Variants in CSMD1 observed in about 807,000 individuals in gnomAD.
CSMD1 encodes the protein CUB and sushi domain-containing protein 1.
A neutral mutation model predicts 417.5 loss-of-function variants in CSMD1; 213 were observed. That is an observed-to-expected ratio of 0.51 (90% confidence interval 0.46 to 0.57). The LOEUF is 0.57. Among genes scored for constraint, CSMD1 ranks in the 20% least tolerant of loss-of-function variants. CSMD1 has a pLI of 0.00. For missense variants in CSMD1, 6,923 were observed against 4,529.7 expected, an observed-to-expected ratio of 1.53 and a Z score of -15.17; for synonymous variants, 2,862 against 1,736.8, an observed-to-expected ratio of 1.65 and a Z score of -16.11.
intron 3 of CSMD1, among the ~76,000 whole-genome samples, chr8:4,284,501 C>T (rs1208748700): frequency 6.6e-6 from 1 of 152,084 alleles, no homozygotes; most frequent in East Asian, 1.9e-4. Flanking sequence ...CTTTTGCGCA[C>T]CATGCCTTCC....
intron 11 of CSMD1, among the ~76,000 whole-genome samples, chr8:3,489,203 G>A (rs986065836): frequency 2.0e-5 from 3 of 152,168 alleles, no homozygotes; most frequent in Non-Finnish European, 2.9e-5. Context: ...GCCAGGCAGT[G>A]TCTGGGAGCA....
chr8:3,269,478 A>T (rs1801677614), intron 26 of CSMD1, among the ~76,000 whole-genome samples: 2 of 152,242 alleles, frequency 1.3e-5, no homozygotes, highest in Non-Finnish European at 2.9e-5. Context: ...AATAAACAAC[A>T]AATGATGTTT....
intron 1 of CSMD1, among the ~76,000 whole-genome samples, chr8:4,906,070 C>G (rs530546242): frequency 6.6e-6 from 1 of 152,238 alleles, no homozygotes; most frequent in East Asian, 1.9e-4. Context: ...TTCAGACCCT[C>G]TCACCTCTGG....
At chr8:3,350,632 T>G (rs1808354362) in intron 21 of CSMD1, among the ~76,000 whole-genome samples, 1 of 152,212 alleles carries the variant, frequency 6.6e-6, no homozygotes, top group Non-Finnish European at 1.5e-5. Context: ...AAGTGTCTTC[T>G]TAAGGACTTT....
At chr8:3,843,774 C>A (rs1285495155) in intron 5 of CSMD1, among the ~76,000 whole-genome samples, 1 of 152,158 alleles carries the variant, frequency 6.6e-6, no homozygotes, top group Admixed American at 6.6e-5. Context: ...TTCTCAGATC[C>A]ACCATCTGCA....
chr8:3,227,819 G>C (rs1376354535), intron 27 of CSMD1, among the ~76,000 whole-genome samples: 2 of 151,362 alleles, frequency 1.3e-5, no homozygotes, highest in African/African-American at 4.9e-5. Flanking sequence ...ACAGGCTGGA[G>C]TGCAGTGGTG....
intron 5 of CSMD1, among the ~76,000 whole-genome samples, chr8:3,953,777 C>T (rs1018883357): frequency 1.3e-5 from 2 of 152,116 alleles, no homozygotes; most frequent in African/African-American, 4.8e-5. Flanking sequence ...AGCTTATCCA[C>T]AAGCCCCGCA....
chr8:4,992,320 C>A (rs1482321083), intron 1 of CSMD1, among the ~76,000 whole-genome samples: 2 of 152,172 alleles, frequency 1.3e-5, no homozygotes, highest in Non-Finnish European at 2.9e-5. Context: ...TATTAAGCAG[C>A]CGAGCTAGGG....
intron 3 of CSMD1, among the ~76,000 whole-genome samples, chr8:4,339,454 A>G (rs1800354301): frequency 6.6e-6 from 1 of 152,090 alleles, no homozygotes; most frequent in African/African-American, 2.4e-5. Flanking sequence ...AATCAGCTGT[A>G]CAAAGCTACC....
intron 3 of CSMD1, among the ~76,000 whole-genome samples, chr8:4,211,866 T>G (rs1800332012): frequency 6.6e-6 from 1 of 152,194 alleles, no homozygotes; most frequent in African/African-American, 2.4e-5. Context: ...CTTGCTTTAA[T>G]AACCCAACAT....
chr8:4,360,463 A>T (rs1444619439), intron 3 of CSMD1, among the ~76,000 whole-genome samples: 1 of 152,094 alleles, frequency 6.6e-6, no homozygotes, highest in Non-Finnish European at 1.5e-5. Flanking sequence ...CGTTATCATA[A>T]CCTCTTTTTT....
At chr8:4,577,345 A>G (rs1799186660) in intron 2 of CSMD1, among the ~76,000 whole-genome samples, 2 of 152,100 alleles carry the variant, frequency 1.3e-5, no homozygotes, top group African/African-American at 4.8e-5. Flanking sequence ...TATTTAGGAG[A>G]GCTTATTTCA....
At chr8:4,067,879 C>A (rs1799334445) in intron 3 of CSMD1, among the ~76,000 whole-genome samples, 1 of 152,056 alleles carries the variant, frequency 6.6e-6, no homozygotes, top group South Asian at 2.1e-4. Flanking sequence ...GAGATGGAGA[C>A]CATCCTGGCC....
rs528473468 is a variant in CSMD1, at chr8:3,266,545, G to T, written c.4153+17599C>A. ...CACTTGAACCCAGGAGGCAGAGGTT[G>T]CAGTGAGCCGAGATCATGCCATTGC... On this transcript the variant is annotated intron_variant, in intron 26 of 69. Coordinates refer to ENST00000635120, the MANE Select transcript of CSMD1 (RefSeq NM_033225.6). 1.4e-3 allele frequency among the ~76,000 whole-genome samples: 204 copies of T among 145,922 alleles called. 1 individual carries two copies. The highest frequency in any genetic ancestry group is 4.9e-3 in the African/African-American group (194 of 39,756).
intron 3 of CSMD1, among the ~76,000 whole-genome samples, chr8:4,359,243 G>C (rs982335098): frequency 5.9e-5 from 9 of 152,122 alleles, no homozygotes; most frequent in Middle Eastern, 3.2e-3. Context: ...CTCCTTCTGA[G>C]ATTACTTCAC....
intron 7 of CSMD1, among the ~76,000 whole-genome samples, chr8:3,621,056 A>G (rs1208193655): frequency 2.6e-5 from 4 of 152,178 alleles, no homozygotes; most frequent in Non-Finnish European, 5.9e-5. Context: ...GAATACATAA[A>G]GGAAAGTCCA....
chr8:3,626,881 A>C (rs1796518265), intron 7 of CSMD1, among the ~76,000 whole-genome samples: 1 of 149,722 alleles, frequency 6.7e-6, no homozygotes, highest in Non-Finnish European at 1.5e-5. Context: ...CATAAATATA[A>C]GTATTAATAA....
intron 5 of CSMD1, among the ~76,000 whole-genome samples, chr8:3,813,952 G>T (rs566140116): frequency 1.3e-5 from 2 of 152,286 alleles, no homozygotes; most frequent in South Asian, 2.1e-4. Flanking sequence ...TCTGAGAAAT[G>T]TAAGACCCTG....
chr8:4,394,162 A>G (rs1243681690), intron 3 of CSMD1, among the ~76,000 whole-genome samples: 1 of 152,178 alleles, frequency 6.6e-6, no homozygotes, highest in African/African-American at 2.4e-5. Context: ...CATTTGAACT[A>G]TCATCCAACA....
Sources: allele counts gnomAD v4.1 joint callset (sites outside exome capture counted in the v4.1 genomes callset), GRCh38; gene constraint gnomAD v4.1.1; transcripts MANE v1.5; gene names NCBI Gene and HGNC (gene_info 2026-07-23, HGNC 2026-07-21).